CNTN4: variants seen among roughly 807,000 people sequenced by gnomAD.
CNTN4 encodes contactin-4.
Under a neutral mutation model 122.5 loss-of-function variants are expected in CNTN4, and 77 were observed. That is an observed-to-expected ratio of 0.63 (90% CI 0.52 to 0.76). CNTN4 has a LOEUF of 0.76. Among genes scored for constraint, CNTN4 ranks in the 30% least tolerant of loss-of-function variants. The pLI is 0.00. For synonymous variants in CNTN4, 512 were observed against 447.0 expected, an observed-to-expected ratio of 1.15 and a Z score of -1.83; for missense variants, 1,256 against 1,259.1, an observed-to-expected ratio of 1.00 and a Z score of 0.04.
At chr3:2,241,157 T>C (rs1402223264) in intron 2 of CNTN4, among the ~76,000 whole-genome samples, 1 of 152,178 alleles carries the variant, frequency 6.6e-6, no homozygotes, top group African/African-American at 2.4e-5. Flanking sequence ...ATTTATTGTT[T>C]GTTACTTATT....
At chr3:2,947,410 A>G (rs142042803) in intron 13 of CNTN4, among the ~76,000 whole-genome samples, 5 of 152,332 alleles carry the variant, frequency 3.3e-5, no homozygotes, top group African/African-American at 1.2e-4. Flanking sequence ...ATCTAGATCT[A>G]GCTCTATCCC....
intron 3 of CNTN4, among the ~76,000 whole-genome samples, chr3:2,446,425 G>A (rs2048628042): frequency 1.3e-5 from 2 of 152,116 alleles, no homozygotes; most frequent in African/African-American, 2.4e-5. Flanking sequence ...ATAGCCTCCA[G>A]AGTTTTAGAG....
intron 2 of CNTN4, among the ~76,000 whole-genome samples, chr3:2,276,600 CAAT>C (rs1207348912): frequency 6.6e-6 from 1 of 152,136 alleles, no homozygotes; most frequent in Non-Finnish European, 1.5e-5. Flanking sequence ...AAGTAGTTCT[CAAT>C]AAATAGCTTT....
intron 2 of CNTN4, among the ~76,000 whole-genome samples, chr3:2,212,365 T>C (rs1318011369): frequency 6.6e-6 from 1 of 152,194 alleles, no homozygotes; most frequent in Non-Finnish European, 1.5e-5. Context: ...TACGCAAGAC[T>C]GGGTAACTGA....
intron 12 of CNTN4, among the ~76,000 whole-genome samples, chr3:2,917,198 G>A (rs180902208): frequency 0.02 from 2,984 of 151,356 alleles, 121 homozygotes; most frequent in African/African-American, 0.067. Context: ...GCAGTCGGCA[G>A]GCTGAGGCAG....
chr3:2,824,177 G>T (rs1466173610), intron 7 of CNTN4, among the ~76,000 whole-genome samples: 8 of 147,868 alleles, frequency 5.4e-5, no homozygotes, highest in African/African-American at 2.0e-4. Flanking sequence ...AAAAAAAACA[G>T]GCCAGGCGCG....
chr3:2,761,703 C>T (rs1278239020), intron 6 of CNTN4, among the ~76,000 whole-genome samples: 1 of 152,052 alleles, frequency 6.6e-6, no homozygotes, highest in Admixed American at 6.6e-5. Context: ...AGTAGATGTT[C>T]AGAGGTTTCA....
chr3:2,281,172 A>G (rs2041701024), intron 2 of CNTN4, among the ~76,000 whole-genome samples: 2 of 152,086 alleles, frequency 1.3e-5, no homozygotes, highest in Admixed American at 1.3e-4. Flanking sequence ...TACCAGATAT[A>G]CCTCTTCCAT....
intron 2 of CNTN4, among the ~76,000 whole-genome samples, chr3:2,158,725 G>C (rs546682200): frequency 6.6e-6 from 1 of 152,168 alleles, no homozygotes; most frequent in Non-Finnish European, 1.5e-5. Flanking sequence ...CATGCAGCAC[G>C]CACTGCTGGT....
chr3:3,042,931 T>TCC (rs770192234), intron 21 of CNTN4, 46 bp from the exon 22 acceptor site: 3 of 1,488,676 alleles, frequency 2.0e-6, no homozygotes, highest in Non-Finnish European at 2.8e-6. Flanking sequence ...ATTGCAAATA[T>TCC]CCCCATTGGG....
chr3:2,733,794 A>G (rs1369597233), intron 4 of CNTN4, among the ~76,000 whole-genome samples: 1 of 151,992 alleles, frequency 6.6e-6, no homozygotes, highest in Non-Finnish European at 1.5e-5. Flanking sequence ...TCGGCCTCCC[A>G]AAGTGCTGGG....
intron 4 of CNTN4, among the ~76,000 whole-genome samples, chr3:2,598,651 T>G (rs189671000): frequency 9.2e-5 from 14 of 152,306 alleles, no homozygotes; most frequent in East Asian, 5.8e-4. Flanking sequence ...ATAAGGAAAC[T>G]TATGTAGCCG....
At chr3:2,305,297 AACT>A (rs1388538408) in intron 2 of CNTN4, among the ~76,000 whole-genome samples, 2 of 152,180 alleles carry the variant, frequency 1.3e-5, no homozygotes, top group Non-Finnish European at 2.9e-5. Flanking sequence ...CATATGTGAC[AACT>A]GAGAGGGTTA....
rs187495725 is a variant in CNTN4 at position 2,772,411 on chromosome 3, A to G, written c.358+26714A>G. On this transcript the variant is annotated intron_variant, in intron 6 of 24. Coordinates refer to ENST00000418658, the MANE Select transcript of CNTN4 (RefSeq NM_175607.3). ...TGGGTGAAGGTAGGGACGGAGACTG[A>G]GAGTAAAGAGTACAGAAAGAAAGAA... Among the ~76,000 whole-genome samples the G allele has an allele frequency of 3.3e-4, 49 of 148,174 alleles. No individual in the cohort carries two copies. The East Asian group carries it at 8.8e-3, about 27-fold the overall frequency.
chr3:2,912,645 AAGG>A (rs1198121349), intron 12 of CNTN4, among the ~76,000 whole-genome samples: 5 of 152,252 alleles, frequency 3.3e-5, no homozygotes, highest in Non-Finnish European at 7.3e-5. Context: ...TACAGTATAA[AAGG>A]AGGTAATTTG....
At chr3:2,300,193 A>G (rs2042453277) in intron 2 of CNTN4, among the ~76,000 whole-genome samples, 1 of 152,212 alleles carries the variant, frequency 6.6e-6, no homozygotes, top group Non-Finnish European at 1.5e-5. Context: ...AGAATGTTAG[A>G]CAGAGTGAAT....
At chr3:2,580,577 G>T (rs374849050) in intron 4 of CNTN4, among the ~76,000 whole-genome samples, 1 of 152,138 alleles carries the variant, frequency 6.6e-6, no homozygotes, top group Non-Finnish European at 1.5e-5. Flanking sequence ...TCCCCTTGCT[G>T]ATTTTAATCA....
chr3:2,206,152 C>A (rs2038332688), intron 2 of CNTN4, among the ~76,000 whole-genome samples: 1 of 151,978 alleles, frequency 6.6e-6, no homozygotes, highest in African/African-American at 2.4e-5. Context: ...ATTATTGAAA[C>A]AAGGCTATTT....
chr3:2,557,202 A>G lies in CNTN4; in HGVS notation c.-88-14214A>G, dbSNP rs368522173. 6.5e-4 allele frequency among the ~76,000 whole-genome samples: 99 copies of G among 152,296 alleles called. No homozygotes were observed. The South Asian group carries it at 0.015, about 23-fold the overall frequency. On this transcript the variant is annotated intron_variant, in intron 3 of 24. Transcript: ENST00000418658. ...ATTACTACAGTTTCTCCTACCAACA[A>G]TAGGCCTAGACTGCTAATCCAAGGA... is the stretch of plus-strand genomic sequence containing the variant.
Sources: gnomAD v4.1 joint callset for allele counts (sites outside exome capture counted in the v4.1 genomes callset) on GRCh38, gnomAD v4.1.1 for gene constraint, MANE v1.5 for transcripts, NCBI Gene and HGNC (gene_info 2026-07-23, HGNC 2026-07-21) for gene names.